Variants in SLC6A6 observed in about 807,000 individuals in gnomAD.
SLC6A6 encodes the protein sodium- and chloride-dependent taurine transporter.
A neutral mutation model predicts 68.8 loss-of-function variants in SLC6A6; 16 were observed. The observed-to-expected ratio is 0.23, with a 90% CI of 0.16 to 0.35. The LOEUF is 0.35. Ranked by LOEUF, SLC6A6 falls within the 10% of genes least tolerant of loss-of-function variation. The pLI is 1.00. For missense variants in SLC6A6, 474 were observed against 802.8 expected (o/e 0.59, Z 4.95); for synonymous variants, 312 against 315.4 (o/e 0.99, Z 0.12).
In SLC6A6 at chr3:14,485,145, G is replaced by A; in HGVS notation, c.*138G>A. 1 of 617,344 alleles carries A rather than the reference G, an allele frequency of 1.6e-6. No homozygotes were observed. Among genetic ancestry groups the A allele is most frequent in the Middle Eastern group, 3.4e-4 (1 of 2,966 alleles). 38.2% of individuals were successfully genotyped at this position (617,344 alleles called of 1,614,324 possible). A position where few individuals can be genotyped will look rare whatever the true frequency, so the allele number is the denominator to read the frequency against. The stretch of plus-strand genomic sequence containing the variant: ...AATTGTCACAGAAAATGTAATTGTG[G>A]GTATGTGTGCGTGCGTGTGTGTGTG... On this transcript the variant is annotated 3_prime_UTR_variant, in exon 15 of 15. Transcript: ENST00000622186.
rs1382432179 is a variant in SLC6A6 at position 14,402,889 on chromosome 3, C to G, written c.-54+42C>G. On this transcript the variant is annotated intron_variant, in intron 1 of 14. Transcript: ENST00000622186. This position sits in a 1 kb window ranked among gnomAD's most constrained non-coding sequence, Gnocchi z 4.8. Reference sequence around the variant, plus strand: ...GAGCTGGGCGCGCAGCCGGCGCTGCCCGCCGTCTGCAGCCCCTCCCCATCC... The same window carrying G: ...GAGCTGGGCGCGCAGCCGGCGCTGCGCGCCGTCTGCAGCCCCTCCCCATCC... 1 of 390,756 alleles carries G rather than the reference C, an allele frequency of 2.6e-6. No individual in the cohort carries two copies. Among genetic ancestry groups the G allele is most frequent in the African/African-American group, 2.1e-5 (1 of 48,218 alleles). 24.2% of individuals were successfully genotyped at this position (390,756 alleles called of 1,614,324 possible). A position where few individuals can be genotyped will look rare whatever the true frequency, so the allele number is the denominator to read the frequency against.
chr3:14,403,809 T>A (rs1202050251), intron 1 of SLC6A6, among the ~76,000 whole-genome samples: 1 of 152,186 alleles, frequency 6.6e-6, no homozygotes, highest in Non-Finnish European at 1.5e-5. Context: ...TCCAGGGACC[T>A]CCTCCTACAG....
rs1292573362 is a variant in SLC6A6, at chr3:14,478,552, T to C, written c.1434T>C (p.Val478=). The part of the protein sequence containing the change: ...LLWVAFFECF[V]IAWIYGGDNL... ...GGGTTGCATTCTTTGAATGTTTTGT[T>C]ATTGCCTGGATATATGGTGAGTACA... Residue 478 remains valine (V), a synonymous_variant, in exon 12 of 15, where the codon GTT becomes GTC. Coordinates refer to ENST00000622186, the MANE Select transcript of SLC6A6 (RefSeq NM_003043.6). 6.2e-7 allele frequency: 1 copy of C among 1,605,434 alleles called. No individual in the cohort carries two copies. The highest frequency in any genetic ancestry group is 8.5e-7 in the Non-Finnish European group (1 of 1,171,998).
rs142814419 is a variant in SLC6A6, at chr3:14,439,946, G to A, written c.-11-3678G>A. Among the ~76,000 whole-genome samples the A allele has an allele frequency of 2.2e-4, 33 of 152,282 alleles. 3 individuals carry two copies. The highest frequency in any genetic ancestry group is 4.1e-4 in the African/African-American group (17 of 41,558). ...ACTCCCAGCGGAGTGACCTCAGGGC[G>A]TCTCTTGTCATCTCTGGGCCTTATT... On this transcript the variant is annotated intron_variant, in intron 2 of 14. Coordinates refer to ENST00000622186, the MANE Select transcript of SLC6A6 (RefSeq NM_003043.6).
chr3:14,426,241 C>T (rs1699594444), intron 2 of SLC6A6, among the ~76,000 whole-genome samples: 2 of 152,196 alleles, frequency 1.3e-5, no homozygotes, highest in African/African-American at 2.4e-5. Flanking sequence ...ATCCAGACTC[C>T]AGTCCACCAC....
Position 14,472,299 on chromosome 3 carries a change from G to T in SLC6A6, c.1191G>T (p.Leu397Phe). The change falls in exon 10 of 15, where the codon TTG becomes TTT. Residue 397 changes from leucine (L) to phenylalanine (F), a missense_variant. Physicochemically the swap from Leu to Phe is conservative, Grantham distance 22. Transcript: ENST00000622186. This position sits in a 1 kb window ranked among gnomAD's most constrained non-coding sequence, Gnocchi z 4.5. ...TTCTTTTTTTTATTATGCTTCTCTT[G>T]CTTGGACTGGATAGCCAGGTGCGTA... is the stretch of plus-strand genomic sequence containing the variant. ...WSILFFIMLL[L>F]LGLDSQFVEV... 2 of 1,606,500 alleles carry T rather than the reference G, an allele frequency of 1.2e-6. No individual in the cohort carries two copies. Among genetic ancestry groups the T allele is most frequent in the Non-Finnish European group, 8.5e-7 (1 of 1,173,216 alleles).
chr3:14,447,221 T>C (rs1700143248), intron 4 of SLC6A6, among the ~76,000 whole-genome samples: 1 of 149,352 alleles, frequency 6.7e-6, no homozygotes. Context: ...TCTATTCAGC[T>C]ATCCATCCAT....
chr3:14,451,198 G>T (rs1700244012), intron 5 of SLC6A6, among the ~76,000 whole-genome samples: 2 of 152,198 alleles, frequency 1.3e-5, no homozygotes, highest in African/African-American at 4.8e-5. Flanking sequence ...TGGCAGAAAG[G>T]ATTGAGACTA....
At chr3:14,429,836 G>A (rs1699683360) in intron 2 of SLC6A6, among the ~76,000 whole-genome samples, 1 of 152,342 alleles carries the variant, frequency 6.6e-6, no homozygotes, top group Admixed American at 6.5e-5. Context: ...TGACTTTACA[G>A]ATTATGAGGC....
At chr3:14,414,933 G>C (rs1037811858) in intron 1 of SLC6A6, among the ~76,000 whole-genome samples, 1 of 152,136 alleles carries the variant, frequency 6.6e-6, no homozygotes, top group African/African-American at 2.4e-5. Flanking sequence ...TCTTAACCTC[G>C]TGCTTTAAAC....
intron 5 of SLC6A6, among the ~76,000 whole-genome samples, chr3:14,448,994 G>C (rs905119299): frequency 6.6e-6 from 1 of 152,244 alleles, no homozygotes; most frequent in Non-Finnish European, 1.5e-5. Flanking sequence ...GGTGGTTCTG[G>C]TTCTGAATCA....
At chr3:14,419,010 G>A (rs138439400) in intron 2 of SLC6A6, among the ~76,000 whole-genome samples, 3 of 152,194 alleles carry the variant, frequency 2.0e-5, no homozygotes, top group Admixed American at 6.5e-5. Flanking sequence ...TCCTGCTGCC[G>A]TGAGGCTGGA....
chr3:14,484,041 C>G (rs993548596), intron 14 of SLC6A6, among the ~76,000 whole-genome samples: 5 of 152,160 alleles, frequency 3.3e-5, no homozygotes, highest in African/African-American at 1.2e-4. Flanking sequence ...ATATAAATGC[C>G]TAGAAAGAGG....
chr3:14,484,547 C>T (rs1701092168), intron 14 of SLC6A6, among the ~76,000 whole-genome samples: 2 of 152,114 alleles, frequency 1.3e-5, no homozygotes, highest in South Asian at 2.1e-4. Context: ...CACAGGGAGG[C>T]ATATTTTAGT....
intron 7 of SLC6A6, among the ~76,000 whole-genome samples, chr3:14,467,134 G>A (rs1476116602): frequency 3.3e-5 from 5 of 152,320 alleles, no homozygotes; most frequent in Admixed American, 3.3e-4. Context: ...TCAGCCTTGT[G>A]ACCTTGGGGA....
rs1049551449 is a variant in SLC6A6 at position 14,485,248 on chromosome 3, C to T, written c.*241C>T. The T allele has an allele frequency of 3.6e-5, 13 of 357,064 alleles. No individual in the cohort carries two copies. The highest frequency in any genetic ancestry group is 2.6e-4 in the East Asian group (6 of 22,820). 22.1% of individuals were successfully genotyped at this position (357,064 alleles called of 1,614,324 possible). A position where few individuals can be genotyped will look rare whatever the true frequency, so the allele number is the denominator to read the frequency against. ...AAAAGAAAACCCACGGGAAGATGTC[C>T]GTGGAGAGGCAGAGCTTTCATACTG... On this transcript the variant is annotated 3_prime_UTR_variant, in exon 15 of 15. Coordinates refer to ENST00000622186, the MANE Select transcript of SLC6A6 (RefSeq NM_003043.6).
At chr3:14,432,300 C>T (rs987914438) in intron 2 of SLC6A6, among the ~76,000 whole-genome samples, 1 of 152,326 alleles carries the variant, frequency 6.6e-6, no homozygotes, top group African/African-American at 2.4e-5. Flanking sequence ...CTCTGCAGAG[C>T]CTGTTTCAGG....
chr3:14,476,255 G>T (rs1368761963), intron 10 of SLC6A6, among the ~76,000 whole-genome samples: 1 of 152,220 alleles, frequency 6.6e-6, no homozygotes, highest in African/African-American at 2.4e-5. Flanking sequence ...AGGAGAGGAA[G>T]AGCTGAGTCT....
At chr3:14,424,501 A>G (rs1387976631) in intron 2 of SLC6A6, among the ~76,000 whole-genome samples, 1 of 150,756 alleles carries the variant, frequency 6.6e-6, no homozygotes, top group Non-Finnish European at 1.5e-5. Flanking sequence ...TAAGGAGTGC[A>G]GCGTGGCTGG....
Sources: gnomAD v4.1 joint callset for allele counts (sites outside exome capture counted in the v4.1 genomes callset) on GRCh38, gnomAD v4.1.1 for gene constraint, Gnocchi (gnomAD v3.1) non-coding constraint, MANE v1.5 for transcripts, NCBI Gene and HGNC (gene_info 2026-07-23, HGNC 2026-07-21) for gene names.